PAK4: variants seen among roughly 807,000 people sequenced by gnomAD.
PAK4 encodes the protein p21 (RAC1) activated kinase 4.
A neutral mutation model predicts 53.5 loss-of-function variants in PAK4; 49 were observed. That is an observed-to-expected ratio of 0.92 (90% CI 0.73 to 1.16). The LOEUF is 1.16. PAK4 is among the 50% of genes most tolerant of loss of function. PAK4 has a pLI of 0.00. For synonymous variants in PAK4, 376 were observed against 375.6 expected (o/e 1.00, Z -0.01); for missense variants, 824 against 850.7 (o/e 0.97, Z 0.39).
intron 1 of PAK4, among the ~76,000 whole-genome samples, chr19:39,148,050 C>T (rs1415716100): frequency 1.3e-5 from 2 of 149,768 alleles, no homozygotes; most frequent in Non-Finnish European, 3.0e-5. Context: ...CTCCCGGGTT[C>T]GAGCGATTTT....
intron 1 of PAK4, among the ~76,000 whole-genome samples, chr19:39,135,899 G>GCC (rs372342841): frequency 6.8e-6 from 1 of 147,732 alleles, no homozygotes; most frequent in Non-Finnish European, 1.5e-5. Context: ...CTCCTCTCTT[G>GCC]CCCCCCCGCC....
At chr19:39,152,101 A>AT (rs34724348) in intron 1 of PAK4, 34,725 of 144,944 alleles carry the variant, frequency 0.24, 4,355 homozygotes, top group East Asian at 0.44. Context: ...AGTTATCGTG[A>AT]TTTTTTTTTT....
intron 1 of PAK4, among the ~76,000 whole-genome samples, chr19:39,155,827 G>A (rs1437369142): frequency 6.6e-6 from 1 of 152,202 alleles, no homozygotes; most frequent in Non-Finnish European, 1.5e-5. Context: ...GATGAAAGGG[G>A]CCTGCTGAAG....
intron 1 of PAK4, among the ~76,000 whole-genome samples, chr19:39,142,788 G>A (rs147093148): frequency 3.2e-4 from 49 of 152,308 alleles, no homozygotes; most frequent in South Asian, 1.2e-3. Context: ...GTCACCCTGG[G>A]TGGCTTTCCC....
chr19:39,165,987 A>G (rs982987523), intron 1 of PAK4, among the ~76,000 whole-genome samples: 1 of 152,184 alleles, frequency 6.6e-6, no homozygotes, highest in Non-Finnish European at 1.5e-5. Flanking sequence ...ACTCCGGGTA[A>G]AGTGCCTGGA....
chr19:39,139,182 G>A (rs1436530640), intron 1 of PAK4, among the ~76,000 whole-genome samples: 1 of 152,174 alleles, frequency 6.6e-6, no homozygotes, highest in African/African-American at 2.4e-5. Context: ...CATTTATTCT[G>A]TGGGTCTTGG....
At position 39,175,064 on chromosome 19, in the gene PAK4, G is replaced by A; in HGVS notation, c.1232G>A (p.Arg411Lys). 6.2e-7 allele frequency: 1 copy of A among 1,605,956 alleles called. No individual in the cohort carries two copies. Among genetic ancestry groups the A allele is most frequent in the Non-Finnish European group, 8.5e-7 (1 of 1,175,856 alleles). ...CTCACCGACATCGTCACCCACACCA[G>A]GTATTTCTGGGGCCTCAGACCCCTC... Residue 411 changes from arginine (R) to lysine (K), a missense_variant and splice_region_variant, in exon 5 of 9, where the codon AGG becomes AAG. By Grantham distance (26) the Arg-to-Lys change is conservative. Transcript: ENST00000358301. The surrounding 1 kb of genome is among the most constrained non-coding windows in gnomAD (Gnocchi z 4.7).
chr19:39,171,549 C>T (rs1179063109), intron 2 of PAK4, among the ~76,000 whole-genome samples: 2 of 152,152 alleles, frequency 1.3e-5, no homozygotes, highest in Non-Finnish European at 2.9e-5. Flanking sequence ...TCCACCTTGA[C>T]TTCCTGGGGC....
At chr19:39,174,655 T>C (rs569426399) in intron 4 of PAK4, among the ~76,000 whole-genome samples, 2 of 152,066 alleles carry the variant, frequency 1.3e-5, no homozygotes, top group African/African-American at 2.4e-5. Context: ...AGCCCTGTGA[T>C]TGAACGCTCT....
intron 1 of PAK4, among the ~76,000 whole-genome samples, chr19:39,132,702 C>T (rs1255158733): frequency 6.6e-6 from 1 of 152,202 alleles, no homozygotes; most frequent in Non-Finnish European, 1.5e-5. Context: ...ACAGGTGCCC[C>T]GTTAACTTTG....
In PAK4 at chr19:39,147,158, C is replaced by T. The variant is rs557389154; in HGVS notation, c.-23+21239C>T. ...CCCTCCTAATACCTTCTCATAGCTA[C>T]ACCCTTCCCCTGCCCATCCCTAACC... On this transcript the variant is annotated intron_variant, in intron 1 of 8. Transcript: ENST00000358301. Among the ~76,000 whole-genome samples, 9 of 139,560 alleles carry T rather than the reference C, an allele frequency of 6.4e-5. No individual in the cohort carries two copies. In the East Asian group the frequency reaches 2.0e-3, roughly 31 times the overall value. 91.6% of individuals were successfully genotyped at this position (139,560 alleles called of 152,430 possible). A position where few individuals can be genotyped will look rare whatever the true frequency, so the allele number is the denominator to read the frequency against.
In PAK4 at chr19:39,175,304, C is replaced by T. The variant is rs1444264325; in HGVS notation, c.1233-8C>T. On this transcript the variant is annotated splice_polypyrimidine_tract_variant and splice_region_variant and intron_variant, in intron 5 of 8. Coordinates refer to ENST00000358301, the Ensembl canonical transcript of PAK4. This position sits in a 1 kb window ranked among gnomAD's most constrained non-coding sequence, Gnocchi z 4.7. ...AGCTGGCTGCTCACCCCCCACCCCACCCCGCAGGATGAACGAGGAGCAGAT... is the reference window on the plus strand; with the variant it reads ...AGCTGGCTGCTCACCCCCCACCCCATCCCGCAGGATGAACGAGGAGCAGAT... 6.4e-7 allele frequency: 1 copy of T among 1,568,476 alleles called. No individual in the cohort carries two copies. The highest frequency in any genetic ancestry group is 1.9e-5 in the Admixed American group (1 of 52,912).
chr19:39,129,432 G>T (rs1600295654), intron 1 of PAK4, among the ~76,000 whole-genome samples: 3 of 152,202 alleles, frequency 2.0e-5, no homozygotes, highest in Non-Finnish European at 2.9e-5. Flanking sequence ...AGTCTCTCTG[G>T]CATATGCCTA....
chr19:39,147,344 C>G (rs1204807786), intron 1 of PAK4, among the ~76,000 whole-genome samples: 2 of 152,204 alleles, frequency 1.3e-5, no homozygotes, highest in African/African-American at 4.8e-5. Context: ...CTGATAGTGA[C>G]TACTGAGTAG....
At chr19:39,159,379 G>A (rs1600369599) in intron 1 of PAK4, among the ~76,000 whole-genome samples, 2 of 152,136 alleles carry the variant, frequency 1.3e-5, no homozygotes, top group Admixed American at 1.3e-4. Flanking sequence ...TCAAGGGGAA[G>A]GCACGGGACA....
Position 39,162,003 on chromosome 19 carries a change from A to G in PAK4, c.-22-7529A>G, listed in dbSNP as rs577803227. On this transcript the variant is annotated intron_variant, in intron 1 of 8. Transcript: ENST00000358301. ...GATGGAGTCTCACACTCTGTCGCCC[A>G]GGCTGGAGTGCAATGGTGCGATCTT... Among the ~76,000 whole-genome samples the G allele has an allele frequency of 2.3e-3, 355 of 152,252 alleles. 1 individual carries two copies. The highest frequency in any genetic ancestry group is 8.3e-3 in the African/African-American group (344 of 41,544).
intron 7 of PAK4, among the ~76,000 whole-genome samples, 197 bp from the exon 9 acceptor site, chr19:39,177,478 G>C (rs979416805): frequency 6.6e-6 from 1 of 152,144 alleles, no homozygotes; most frequent in Non-Finnish European, 1.5e-5. Flanking sequence ...TGGGTGCTGG[G>C]GGGGCAGCTC....
intron 1 of PAK4, among the ~76,000 whole-genome samples, chr19:39,128,094 A>G (rs1214480454): frequency 1.3e-5 from 2 of 152,090 alleles, no homozygotes; most frequent in African/African-American, 2.4e-5. Context: ...TGGGCCAGAG[A>G]TGCCTGGTAC....
intron 1 of PAK4, among the ~76,000 whole-genome samples, chr19:39,165,670 C>G (rs1045356509): frequency 2.0e-5 from 3 of 152,230 alleles, no homozygotes; most frequent in Non-Finnish European, 4.4e-5. Context: ...CAAATCCTGG[C>G]TGCTTCTCAT....
Sources: allele counts gnomAD v4.1 joint callset (sites outside exome capture counted in the v4.1 genomes callset), GRCh38; gene constraint gnomAD v4.1.1; non-coding constraint Gnocchi (gnomAD v3.1); transcripts MANE v1.5; gene names NCBI Gene and HGNC (gene_info 2026-07-23, HGNC 2026-07-21).